The following SNIP1 variants were observed in gnomAD, a reference collection of about 807,000 sequenced individuals.
The protein encoded by SNIP1 is smad nuclear-interacting protein 1.
A neutral mutation model predicts 37.4 loss-of-function variants in SNIP1; 23 were observed. That is an observed-to-expected ratio of 0.61 (90% CI 0.44 to 0.87). The LOEUF is 0.87. SNIP1 is among the 40% of genes least tolerant of loss of function. The pLI is 0.00. For synonymous variants in SNIP1, 174 were observed against 200.0 expected (o/e 0.87, Z 1.10); for missense variants, 459 against 540.4 (o/e 0.85, Z 1.49).
intron 2 of SNIP1, among the ~76,000 whole-genome samples, chr1:37,544,578 A>C (rs1643209121): frequency 6.6e-6 from 1 of 152,186 alleles, no homozygotes; most frequent in Admixed American, 6.5e-5. Context: ...TTCTTTGCGG[A>C]AAGTCCCTGG....
intron 3 of SNIP1, among the ~76,000 whole-genome samples, chr1:37,538,529 A>AAG: frequency 6.6e-6 from 1 of 150,560 alleles, no homozygotes; most frequent in African/African-American, 2.4e-5. Flanking sequence ...AAAAAAAAAA[A>AAG]GGTGAGAATG....
intron 2 of SNIP1, among the ~76,000 whole-genome samples, chr1:37,541,801 C>G (rs1557625514): frequency 6.6e-6 from 1 of 152,126 alleles, no homozygotes; most frequent in Admixed American, 6.6e-5. Context: ...CCATCAAATG[C>G]AACACATTTC....
intron 1 of SNIP1, 138 bp from the exon 2 acceptor site, chr1:37,552,885 A>G (rs1463619340): frequency 1.4e-6 from 1 of 706,796 alleles, no homozygotes; most frequent in Non-Finnish European, 2.5e-6. Flanking sequence ...AGGAGTCACG[A>G]GGTTCACTTT....
In SNIP1 at chr1:37,536,128, T is replaced by G. The variant is rs1208855014; in HGVS notation, c.*1620A>C. On this transcript the variant is annotated 3_prime_UTR_variant, in exon 4 of 4. Coordinates refer to ENST00000296215, the MANE Select transcript of SNIP1 (RefSeq NM_024700.4). ...TGCCCATGCCCGGCCCAACTTACGT[T>G]TCATCTAATGACCTTATTAAGTGTT... The G allele has an allele frequency of 6.6e-6, 1 of 152,198 alleles. No individual in the cohort carries two copies. Among genetic ancestry groups the G allele is most frequent in the Non-Finnish European group, 1.5e-5 (1 of 68,054 alleles). 9.4% of individuals were successfully genotyped at this position (152,198 alleles called of 1,614,324 possible).
chr1:37,552,397 C>T, intron 2 of SNIP1: 1 of 462,568 alleles, frequency 2.2e-6, no homozygotes, highest in Non-Finnish European at 4.0e-6. Context: ...GTATATCTCC[C>T]TGAATTATTT....
chr1:37,534,700 G>A lies in SNIP1; in HGVS notation c.*3048C>T, dbSNP rs1037823835. 1 of 152,154 alleles carries A rather than the reference G, an allele frequency of 6.6e-6. No homozygotes were observed. Among genetic ancestry groups the A allele is most frequent in the African/African-American group, 2.4e-5 (1 of 41,422 alleles). The allele number at this position is 152,154 out of a possible 1,614,324, so 9.4% of individuals were successfully genotyped here. Reference sequence around the variant, plus strand: ...AATGAGTCATCCTTTGTCAATATTAGAATGAGGGAACCAGGATATGACTAG... The same window carrying A: ...AATGAGTCATCCTTTGTCAATATTAAAATGAGGGAACCAGGATATGACTAG... On this transcript the variant is annotated 3_prime_UTR_variant, in exon 4 of 4. Coordinates refer to ENST00000296215, the MANE Select transcript of SNIP1 (RefSeq NM_024700.4).
At chr1:37,538,142 C>T (rs1204491936) in intron 3 of SNIP1, 130 bp from the exon 4 acceptor site, 2 of 1,103,230 alleles carry the variant, frequency 1.8e-6, no homozygotes, top group African/African-American at 1.6e-5. Context: ...AGTTAAAATT[C>T]TAGGGAATCA....
rs1172125241 is a variant in SNIP1 at position 37,554,170 on chromosome 1, G to C, written c.60C>G (p.Asp20Glu). 20 of 1,612,736 alleles carry C rather than the reference G, an allele frequency of 1.2e-5. No homozygotes were observed. The highest frequency in any genetic ancestry group is 1.4e-5 in the Non-Finnish European group (17 of 1,179,280). Residue 20 changes from aspartate (D) to glutamate (E), a missense_variant, in exon 1 of 4, where the codon GAC becomes GAG. Asp to Glu is a conservative substitution (Grantham distance 45, BLOSUM62 2). Coordinates refer to ENST00000296215, the MANE Select transcript of SNIP1 (RefSeq NM_024700.4). ...CCACCACCCCCGCCGGCAGCACCAC[G>C]TCCCCGTCCCGGTGTCTTCGCCGGC... ...RGSRRRHRDGDVVLPAGVVVK... is the reference protein window; with the variant it reads ...RGSRRRHRDGEVVLPAGVVVK...
rs2148112636 is a variant in SNIP1, at chr1:37,540,016, G to A, written c.926+141C>T. The A allele has an allele frequency of 1.5e-6, 1 of 652,796 alleles. No individual in the cohort carries two copies. Among genetic ancestry groups the A allele is most frequent in the East Asian group, 2.6e-5 (1 of 37,932 alleles). 40.4% of individuals were successfully genotyped at this position (652,796 alleles called of 1,614,324 possible). A position where few individuals can be genotyped will look rare whatever the true frequency, so the allele number is the denominator to read the frequency against. On this transcript the variant is annotated intron_variant, in intron 3 of 3. Transcript: ENST00000296215. The surrounding 1 kb of genome is among the most constrained non-coding windows in gnomAD (Gnocchi z 5.6). ...TAAATATGTAAGCAATTATTTAAAG[G>A]GCAGTTAGATTAACAATACTCTTTA...
chr1:37,538,008 C>T lies in SNIP1; in HGVS notation c.931G>A (p.Val311Met), dbSNP rs1404281365. 1.3e-6 allele frequency: 2 copies of T among 1,593,394 alleles called. No homozygotes were observed. Among genetic ancestry groups the T allele is most frequent in the Non-Finnish European group, 8.5e-7 (1 of 1,170,964 alleles). The change falls in exon 4 of 4, where the codon GTG (valine) becomes ATG (methionine). Residue 311 changes from valine to methionine, a missense_variant. By Grantham distance (21) the Val-to-Met change is conservative. Coordinates refer to ENST00000296215, the MANE Select transcript of SNIP1 (RefSeq NM_024700.4). ...GTGCCATCAGCACGGGTATATTCCA[C>T]AAGCCTAGCAGAAAAAAAGGAGAAA... ...KQHAVFQYRLVEYTRADGTVG... is the reference protein window; with the variant it reads ...KQHAVFQYRLMEYTRADGTVG...
chr1:37,543,921 G>T (rs1226652000), intron 2 of SNIP1, among the ~76,000 whole-genome samples: 1 of 151,082 alleles, frequency 6.6e-6, no homozygotes, highest in African/African-American at 2.4e-5. Context: ...GGGGGGGCAG[G>T]TCACTTGAGG....
Position 37,540,148 on chromosome 1 carries a change from G to T in SNIP1, c.926+9C>A. 6.4e-7 allele frequency: 1 copy of T among 1,563,646 alleles called. No individual in the cohort carries two copies. The highest frequency in any genetic ancestry group is 8.7e-7 in the Non-Finnish European group (1 of 1,150,134). On this transcript the variant is annotated intron_variant, in intron 3 of 3. Coordinates refer to ENST00000296215, the MANE Select transcript of SNIP1 (RefSeq NM_024700.4). The surrounding 1 kb of genome is among the most constrained non-coding windows in gnomAD (Gnocchi z 5.6). ...CTCACATTACAGTTTCTTCCTCCATGTTACTTACCGATATTGAAAGACCGC... is the reference window on the plus strand; with the variant it reads ...CTCACATTACAGTTTCTTCCTCCATTTTACTTACCGATATTGAAAGACCGC...
At chr1:37,544,455 A>T (rs1314563739) in intron 2 of SNIP1, among the ~76,000 whole-genome samples, 1 of 151,720 alleles carries the variant, frequency 6.6e-6, no homozygotes, top group Non-Finnish European at 1.5e-5. Flanking sequence ...TCAAAAAAAA[A>T]AAAAAAAAAA....
chr1:37,550,933 A>C (rs922631294), intron 2 of SNIP1, among the ~76,000 whole-genome samples: 2 of 151,832 alleles, frequency 1.3e-5, no homozygotes, highest in Non-Finnish European at 2.9e-5. Context: ...TTCTGTACTA[A>C]AAATACAAAA....
At chr1:37,550,074 CAAAACA>C (rs1476801641) in intron 2 of SNIP1, among the ~76,000 whole-genome samples, 1 of 151,762 alleles carries the variant, frequency 6.6e-6, no homozygotes, top group Non-Finnish European at 1.5e-5. Flanking sequence ...CAAAACAAAA[CAAAACA>C]AAAACCCTGA....
intron 2 of SNIP1, among the ~76,000 whole-genome samples, chr1:37,546,845 A>C (rs1389232561): frequency 6.6e-6 from 1 of 152,132 alleles, no homozygotes; most frequent in Non-Finnish European, 1.5e-5. Context: ...CCAGTGGCCA[A>C]TTCTCAGTCT....
At chr1:37,544,641 C>T (rs924787796) in intron 2 of SNIP1, 3 of 481,398 alleles carry the variant, frequency 6.2e-6, no homozygotes. Flanking sequence ...TACCCCACTC[C>T]GGCTGGCCGC....
In SNIP1 at chr1:37,537,912, G is replaced by A. The variant is rs1281786940; in HGVS notation, c.1027C>T (p.Arg343Cys). ...SGNGTFLNNKRIEPQRYYELK... is the reference protein window; with the variant it reads ...SGNGTFLNNKCIEPQRYYELK... ...TCATAGTATCTCTGTGGCTCAATACGTTTGTTGTTTAAGAAGGTTCCATTG... is the reference window on the plus strand; with the variant it reads ...TCATAGTATCTCTGTGGCTCAATACATTTGTTGTTTAAGAAGGTTCCATTG... Residue 343 changes from arginine (R) to cysteine (C), a missense_variant, in exon 4 of 4, where the codon CGT becomes TGT. Physicochemically the swap from Arg to Cys is radical, Grantham distance 180. Coordinates refer to ENST00000296215, the MANE Select transcript of SNIP1 (RefSeq NM_024700.4). 7 of 1,613,894 alleles carry A rather than the reference G, an allele frequency of 4.3e-6. No homozygotes were observed. The highest frequency in any genetic ancestry group is 1.1e-5 in the South Asian group (1 of 91,068).
intron 2 of SNIP1, among the ~76,000 whole-genome samples, chr1:37,544,198 G>A (rs1643203702): frequency 6.6e-6 from 1 of 151,570 alleles, no homozygotes; most frequent in Admixed American, 6.6e-5. Context: ...TGCAATCCTA[G>A]CACTTTGGGA....
Sources: gnomAD v4.1 joint callset for allele counts (sites outside exome capture counted in the v4.1 genomes callset) on GRCh38, gnomAD v4.1.1 for gene constraint, Gnocchi (gnomAD v3.1) non-coding constraint, MANE v1.5 for transcripts, NCBI Gene and HGNC (gene_info 2026-07-23, HGNC 2026-07-21) for gene names.